The following TRIM33 variants were observed in gnomAD, a reference collection of about 807,000 sequenced individuals.
The protein encoded by TRIM33 is E3 ubiquitin-protein ligase TRIM33.
A neutral mutation model predicts 125.4 loss-of-function variants in TRIM33; 20 were observed. The ratio of observed to expected loss-of-function variants is 0.16; its 90% confidence interval spans 0.11 to 0.23. TRIM33 has a LOEUF of 0.23. Ranked by LOEUF, TRIM33 falls within the 10% of genes least tolerant of loss-of-function variation. The pLI, the probability that TRIM33 is intolerant of heterozygous loss-of-function variation, is 1.00. For synonymous variants in TRIM33, 564 were observed against 513.9 expected, an observed-to-expected ratio of 1.10 and a Z score of -1.32; for missense variants, 920 against 1,411.4, an observed-to-expected ratio of 0.65 and a Z score of 5.58.
intron 15 of TRIM33, among the ~76,000 whole-genome samples, chr1:114,403,464 G>A (rs1196804144): frequency 1.3e-5 from 2 of 152,002 alleles, no homozygotes; most frequent in African/African-American, 2.4e-5. Flanking sequence ...TCCGCCTCTC[G>A]GGTTCAAGCG....
intron 1 of TRIM33, among the ~76,000 whole-genome samples, chr1:114,493,366 A>G (rs1258600036): frequency 2.6e-5 from 4 of 152,162 alleles, no homozygotes; most frequent in Admixed American, 2.6e-4. Context: ...AATGGCCTTC[A>G]ATGTACAAAA....
At chr1:114,436,931 T>C (rs12084658) in intron 4 of TRIM33, among the ~76,000 whole-genome samples, 85,833 of 152,112 alleles carry the variant, frequency 0.56, 26,299 homozygotes, top group African/African-American at 0.81. Flanking sequence ...GGATTCCATG[T>C]TAACCCTTTT....
rs1651446553 is a variant in TRIM33, at chr1:114,394,607, CAG to C, written c.*3039_*3040del. ...CCTAAAATTCCCTTATGTTAAGATA[CAG>C]AAGTCAGAAAGTACCAACTTGTTGA... On this transcript the variant is annotated 3_prime_UTR_variant, in exon 20 of 20. Transcript: ENST00000358465. The C allele has an allele frequency of 4.8e-6, 1 of 206,716 alleles. No individual in the cohort carries two copies. Among genetic ancestry groups the C allele is most frequent in the African/African-American group, 2.3e-5 (1 of 43,816 alleles). The allele number at this position is 206,716 out of a possible 1,614,324, so 12.8% of individuals were successfully genotyped here. A position where few individuals can be genotyped will look rare whatever the true frequency, so the allele number is the denominator to read the frequency against.
chr1:114,452,391 C>T (rs1015996578), intron 4 of TRIM33, among the ~76,000 whole-genome samples: 5 of 151,826 alleles, frequency 3.3e-5, no homozygotes, highest in Admixed American at 6.6e-5. Context: ...AACCGGGAGG[C>T]GGAGGTTGCA....
intron 13 of TRIM33, 84 bp from the exon 14 acceptor site, chr1:114,407,184 TA>T (rs1239138865): frequency 1.7e-6 from 2 of 1,179,626 alleles, no homozygotes; most frequent in East Asian, 4.9e-5. Context: ...TAATGTTCAC[TA>T]AAGTGAAGAC....
intron 11 of TRIM33, among the ~76,000 whole-genome samples, chr1:114,416,249 T>C (rs1005151351): frequency 2.0e-5 from 3 of 152,184 alleles, no homozygotes; most frequent in Non-Finnish European, 4.4e-5. Context: ...AGGAAAATAT[T>C]ACATTTTACC....
intron 4 of TRIM33, among the ~76,000 whole-genome samples, chr1:114,435,796 G>A (rs1025375424): frequency 6.6e-6 from 1 of 150,628 alleles, no homozygotes; most frequent in Non-Finnish European, 1.5e-5. Context: ...GAACCATCAC[G>A]GCTCACTGCA....
At chr1:114,499,486 A>G (rs1472063337) in intron 1 of TRIM33, among the ~76,000 whole-genome samples, 1 of 152,028 alleles carries the variant, frequency 6.6e-6, no homozygotes, top group East Asian at 1.9e-4. Context: ...TTCTCCTGAG[A>G]ATTCCCTTTT....
At chr1:114,489,217 A>G (rs2101526659) in intron 1 of TRIM33, among the ~76,000 whole-genome samples, 1 of 152,342 alleles carries the variant, frequency 6.6e-6, no homozygotes, top group African/African-American at 2.4e-5. Flanking sequence ...TGATACAGGG[A>G]CAATGGATAT....
At chr1:114,408,968 G>C (rs1181237537) in intron 12 of TRIM33, among the ~76,000 whole-genome samples, 1 of 152,148 alleles carries the variant, frequency 6.6e-6, no homozygotes, top group South Asian at 2.1e-4. Flanking sequence ...CCACTATCCA[G>C]TCAACAAAAC....
chr1:114,450,111 G>C (rs1572068178), intron 4 of TRIM33, among the ~76,000 whole-genome samples: 1 of 152,242 alleles, frequency 6.6e-6, no homozygotes, highest in Admixed American at 6.5e-5. Flanking sequence ...CTAGATCAAG[G>C]CTGGGCATGG....
intron 15 of TRIM33, among the ~76,000 whole-genome samples, chr1:114,404,120 T>C (rs1326215572): frequency 6.6e-6 from 1 of 152,128 alleles, no homozygotes; most frequent in East Asian, 1.9e-4. Context: ...ATCTAGGGAT[T>C]GTACTAACCA....
chr1:114,431,349 T>C (rs758502331), intron 5 of TRIM33, among the ~76,000 whole-genome samples: 41 of 152,230 alleles, frequency 2.7e-4, no homozygotes, highest in Non-Finnish European at 5.6e-4. Context: ...GAAGCATTTA[T>C]TTTCATTTAT....
At chr1:114,416,926 T>G (rs968982188) in intron 11 of TRIM33, among the ~76,000 whole-genome samples, 1 of 152,230 alleles carries the variant, frequency 6.6e-6, no homozygotes, top group African/African-American at 2.4e-5. Flanking sequence ...ACGTTCATAC[T>G]TGTATGAACT....
chr1:114,466,801 C>T (rs915303787), intron 1 of TRIM33, among the ~76,000 whole-genome samples: 17 of 152,220 alleles, frequency 1.1e-4, no homozygotes, highest in African/African-American at 4.1e-4. Context: ...CCATGTTAGT[C>T]AGGCTGGCGT....
chr1:114,498,958 GATAA>G (rs1338065919), intron 1 of TRIM33, among the ~76,000 whole-genome samples: 1 of 151,974 alleles, frequency 6.6e-6, no homozygotes, highest in East Asian at 1.9e-4. Context: ...CAAAACAACT[GATAA>G]ATAGATGAAG....
chr1:114,397,589 G>GTTTTTTTTTTTTTTTTTGT lies in TRIM33; in HGVS notation c.*58_*59insACAAAAAAAAAAAAAAAAA, dbSNP rs66490349. The stretch of plus-strand genomic sequence containing the variant: ...CTTAAAAGTTTTCTGGGTTTTTTGT[G>GTTTTTTTTTTTTTTTTTGT]TTTTTTTTTTTTTTTTCGTTTTTTT... On this transcript the variant is annotated 3_prime_UTR_variant, in exon 20 of 20. Transcript: ENST00000358465. The GTTTTTTTTTTTTTTTTTGT allele has an allele frequency of 1.2e-5, 8 of 640,642 alleles. No individual in the cohort carries two copies. The highest frequency in any genetic ancestry group is 3.9e-5 in the East Asian group (1 of 25,912). 39.7% of individuals were successfully genotyped at this position (640,642 alleles called of 1,614,324 possible).
intron 1 of TRIM33, among the ~76,000 whole-genome samples, chr1:114,498,846 A>G (rs1652536145): frequency 6.6e-6 from 1 of 152,174 alleles, no homozygotes; most frequent in Admixed American, 6.5e-5. Context: ...AAAAAAATGT[A>G]AAGTTCTCTT....
intron 6 of TRIM33, among the ~76,000 whole-genome samples, chr1:114,428,309 T>C (rs1647721257): frequency 6.6e-6 from 1 of 152,196 alleles, no homozygotes; most frequent in African/African-American, 2.4e-5. Flanking sequence ...GGCATGAGAA[T>C]GAAGTTAAAA....
Sources: allele counts gnomAD v4.1 joint callset (sites outside exome capture counted in the v4.1 genomes callset), GRCh38; gene constraint gnomAD v4.1.1; transcripts MANE v1.5; gene names NCBI Gene and HGNC (gene_info 2026-07-23, HGNC 2026-07-21).